Variants in NAALADL1 observed in about 807,000 individuals in gnomAD.
The protein encoded by NAALADL1 is aminopeptidase NAALADL1.
Under a neutral mutation model 82.8 loss-of-function variants are expected in NAALADL1, and 77 were observed. That is an observed-to-expected ratio of 0.93 (90% CI 0.77 to 1.12). The LOEUF (loss-of-function observed/expected upper bound fraction) is 1.12. Ranked by LOEUF, NAALADL1 falls within the 50% of genes most tolerant of loss-of-function variation. NAALADL1 has a pLI of 0.00. For missense variants in NAALADL1, 956 were observed against 964.0 expected (o/e 0.99, Z 0.11); for synonymous variants, 358 against 399.2 (o/e 0.90, Z 1.23).
chr11:65,059,131 G>T (rs535339303), upstream of NAALADL1, among the ~76,000 whole-genome samples: 11 of 152,046 alleles, frequency 7.2e-5, no homozygotes, highest in African/African-American at 2.4e-4. Flanking sequence ...TCCTGCATCG[G>T]CCTCCCGAGT....
chr11:65,046,626 C>A, intron 13 of NAALADL1, 100 bp from the exon 14 acceptor site: 1 of 1,204,008 alleles, frequency 8.3e-7, no homozygotes, highest in South Asian at 1.3e-5. Flanking sequence ...TCCACTGAAT[C>A]TTGGCCATGT....
rs772306526 is a variant in NAALADL1, at chr11:65,054,280, A to C, written c.962T>G (p.Phe321Cys). 13 of 1,614,108 alleles carry C rather than the reference A, an allele frequency of 8.1e-6. No homozygotes were observed. Among genetic ancestry groups the C allele is most frequent in the Non-Finnish European group, 1.1e-5 (13 of 1,180,000 alleles). Reference sequence around the variant, plus strand: ...TGCTGGGAAGTCTCCGTCAGGCCGGAAGCCGGGACCCAACCTGTAGTGGCA... The same window carrying C: ...TGCTGGGAAGTCTCCGTCAGGCCGGCAGCCGGGACCCAACCTGTAGTGGCA... ...LGCHYRLGPG[F>C]RPDGDFPADS... The change falls in exon 6 of 18, where the codon TTC (phenylalanine) becomes TGC (cysteine). Residue 321 changes from phenylalanine (F) to cysteine (C), a missense_variant. Transcript: ENST00000358658. The surrounding 1 kb of genome is among the most constrained non-coding windows in gnomAD (Gnocchi z 4.3).
Position 65,048,356 on chromosome 11 carries a change from A to G in NAALADL1, c.1228T>C (p.Phe410Leu), listed in dbSNP as rs1946798378. The G allele has an allele frequency of 6.2e-7, 1 of 1,614,034 alleles. No homozygotes were observed. The highest frequency in any genetic ancestry group is 8.5e-7 in the Non-Finnish European group (1 of 1,180,030). ...GTWRPRRSIV[F>L]ASWGAEEFGL... The stretch of plus-strand genomic sequence containing the variant: ...AACTCCTCAGCCCCCCAGCTCGCAA[A>G]CACGATTGATCTGCGAGGACGCCAG... Residue 410 changes from phenylalanine (F) to leucine (L), a missense_variant, in exon 9 of 18, where the codon TTT becomes CTT. Physicochemically the swap from Phe to Leu is conservative, Grantham distance 22. Transcript: ENST00000358658.
intron 8 of NAALADL1, 81 bp from the exon 9 acceptor site, chr11:65,048,466 G>A (rs1322069241): frequency 6.6e-7 from 1 of 1,516,822 alleles, no homozygotes; most frequent in Non-Finnish European, 9.1e-7. Context: ...CTGACGTGAG[G>A]AGGGGAGAGC....
In NAALADL1 at chr11:65,045,895, G is replaced by A; in HGVS notation, c.1963C>T (p.Leu655Phe). Reference sequence around the variant, plus strand: ...TCCAAGAGCATCAACTGGTCATTGAGCATCCGGACCTGCAGGGGGCTGGTG... The same window carrying A: ...TCCAAGAGCATCAACTGGTCATTGAACATCCGGACCTGCAGGGGGCTGGTG... ...GSPDPLQVRMLNDQLMLLERT... is the reference protein window; with the variant it reads ...GSPDPLQVRMFNDQLMLLERT... Residue 655 changes from leucine to phenylalanine, a missense_variant, in exon 17 of 18, where the codon CTC (leucine) becomes TTC (phenylalanine). Transcript: ENST00000358658. 6.2e-7 allele frequency: 1 copy of A among 1,614,154 alleles called. No homozygotes were observed. Among genetic ancestry groups the A allele is most frequent in the Non-Finnish European group, 8.5e-7 (1 of 1,180,012 alleles).
chr11:65,050,515 C>T (rs1422384381), intron 8 of NAALADL1, among the ~76,000 whole-genome samples: 1 of 150,600 alleles, frequency 6.6e-6, no homozygotes, highest in Non-Finnish European at 1.5e-5. Flanking sequence ...ATTGGCTGGG[C>T]ACATTGGCTC....
chr11:65,054,241 G>A lies in NAALADL1; in HGVS notation c.992+9C>T. The A allele has an allele frequency of 6.2e-7, 1 of 1,611,634 alleles. No individual in the cohort carries two copies. Among genetic ancestry groups the A allele is most frequent in the East Asian group, 2.2e-5 (1 of 44,874 alleles). ...CAACTGAGGGAGACCTGGTCTGGCT[G>A]CATCTCACCTGTCTGCTGGGAAGTC... On this transcript the variant is annotated intron_variant, in intron 6 of 17. Transcript: ENST00000358658. The surrounding 1 kb of genome is among the most constrained non-coding windows in gnomAD (Gnocchi z 4.3).
At chr11:65,048,109 G>T (rs892167439) in intron 10 of NAALADL1, 43 bp downstream of exon 10, 4 of 1,613,790 alleles carry the variant, frequency 2.5e-6, no homozygotes, top group East Asian at 2.2e-5. Context: ...CCACCCAGTC[G>T]TCCCGCCGTC....
intron 8 of NAALADL1, among the ~76,000 whole-genome samples, chr11:65,050,464 C>T (rs997995869): frequency 8.0e-5 from 12 of 150,258 alleles, no homozygotes; most frequent in South Asian, 4.2e-4. Flanking sequence ...GGCGACAGAG[C>T]GAGACTCTGT....
intron 4 of NAALADL1, among the ~76,000 whole-genome samples, chr11:65,055,616 C>T (rs1947015989): frequency 6.6e-6 from 1 of 152,070 alleles, no homozygotes; most frequent in South Asian, 2.1e-4. Flanking sequence ...TAGGCAAATT[C>T]ATAGAGACAG....
rs1947097981 is a variant in NAALADL1 at position 65,058,142 on chromosome 11, C to G, written c.294G>C (p.Glu98Asp). ...ACAGCAGCACTTCGTACGTGGAGGC[C>G]TCGGCCGAGTCCAGGCCTGACTCTG... Reference protein sequence around the residue: ...KDPESGLDSAEASTYEVLLSF... With the variant: ...KDPESGLDSADASTYEVLLSF... The change falls in exon 2 of 18, where the codon GAG (glutamate) becomes GAC (aspartate). Residue 98 changes from glutamate to aspartate, a missense_variant. Transcript: ENST00000358658. The G allele has an allele frequency of 1.2e-6, 2 of 1,613,812 alleles. No individual in the cohort carries two copies. The highest frequency in any genetic ancestry group is 2.2e-5 in the South Asian group (2 of 91,066).
At position 65,054,840 on chromosome 11, in the gene NAALADL1, T is replaced by A; in HGVS notation, c.604-102A>T. Reference sequence around the variant, plus strand: ...GACTGTGGAAGCCAGGATAGACCAATCTTCCATGGGCAAGATGACGTTTGC... The same window carrying A: ...GACTGTGGAAGCCAGGATAGACCAAACTTCCATGGGCAAGATGACGTTTGC... On this transcript the variant is annotated intron_variant, in intron 4 of 17. Coordinates refer to ENST00000358658, the MANE Select transcript of NAALADL1 (RefSeq NM_005468.3). The surrounding 1 kb of genome is among the most constrained non-coding windows in gnomAD (Gnocchi z 4.3). 2 of 1,419,890 alleles carry A rather than the reference T, an allele frequency of 1.4e-6. No individual in the cohort carries two copies. Among genetic ancestry groups the A allele is most frequent in the South Asian group, 2.8e-5 (2 of 72,428 alleles). 88.0% of individuals were successfully genotyped at this position (1,419,890 alleles called of 1,614,324 possible).
At position 65,045,421 on chromosome 11, in the gene NAALADL1, G is replaced by C. The variant is rs1448488545; in HGVS notation, c.2073C>G (p.Val691=). The C allele has an allele frequency of 3.1e-6, 5 of 1,612,804 alleles. No individual in the cohort carries two copies. Among genetic ancestry groups the C allele is most frequent in the Non-Finnish European group, 4.2e-6 (5 of 1,179,568 alleles). Residue 691 remains valine, a synonymous_variant, in exon 18 of 18, where the codon GTC becomes GTG. Coordinates refer to ENST00000358658, the MANE Select transcript of NAALADL1 (RefSeq NM_005468.3). ...VLWAPRTGSV[V]TFPGLSNACS... is the part of the protein sequence containing the mutation. Reference sequence around the variant, plus strand: ...AGGCATTGGATAGGCCCGGGAATGTGACTACGGAGCCCGTGCGAGGTGCCC... The same window carrying C: ...AGGCATTGGATAGGCCCGGGAATGTCACTACGGAGCCCGTGCGAGGTGCCC...
chr11:65,047,393 G>A, intron 13 of NAALADL1, 82 bp downstream of exon 13: 1 of 1,217,852 alleles, frequency 8.2e-7, no homozygotes, highest in Non-Finnish European at 1.2e-6. Context: ...GCAGGGTTCA[G>A]TCTGTATGAG....
upstream of NAALADL1, among the ~76,000 whole-genome samples, chr11:65,059,166 C>T (rs1340147696): frequency 6.6e-6 from 1 of 152,110 alleles, no homozygotes; most frequent in African/African-American, 2.4e-5. Flanking sequence ...GTGTGCACCA[C>T]CATGTCCAGC....
Position 65,057,993 on chromosome 11 carries a change from C to T in NAALADL1, c.362G>A (p.Gly121Asp), listed in dbSNP as rs1947092220. 6.2e-7 allele frequency: 1 copy of T among 1,614,182 alleles called. No homozygotes were observed. The highest frequency in any genetic ancestry group is 8.5e-7 in the Non-Finnish European group (1 of 1,180,022). The stretch of plus-strand genomic sequence containing the variant: ...GGAGTGGATGATGCCCCCAGTGGGG[C>T]CCACTGTTGGAGGGGTGGCAGTATC... ...QEQPNVVDIV[G>D]PTGGIIHSCH... is the part of the protein sequence containing the mutation. The change falls in exon 3 of 18, where the codon GGC (glycine) becomes GAC (aspartate). Residue 121 changes from glycine to aspartate, a missense_variant. Gly to Asp is a moderately conservative substitution (Grantham distance 94). Coordinates refer to ENST00000358658, the MANE Select transcript of NAALADL1 (RefSeq NM_005468.3).
intron 13 of NAALADL1, 146 bp from the exon 14 acceptor site, chr11:65,046,672 A>C: frequency 1.3e-6 from 1 of 775,172 alleles, no homozygotes; most frequent in South Asian, 1.7e-5. Flanking sequence ...ACAGAAAAGG[A>C]AACTGAAGCT....
rs1946994135 is a variant in NAALADL1, at chr11:65,054,796, T to C, written c.604-58A>G. On this transcript the variant is annotated intron_variant, in intron 4 of 17. Transcript: ENST00000358658. The surrounding 1 kb of genome is among the most constrained non-coding windows in gnomAD (Gnocchi z 4.3). ...AGGGACCGGGACCAGATATGTCCTATTCCTCTTCCTCCTTCCTCGACTGTG... is the reference window on the plus strand; with the variant it reads ...AGGGACCGGGACCAGATATGTCCTACTCCTCTTCCTCCTTCCTCGACTGTG... The C allele has an allele frequency of 1.3e-6, 2 of 1,561,314 alleles. No individual in the cohort carries two copies. Among genetic ancestry groups the C allele is most frequent in the South Asian group, 2.4e-5 (2 of 84,980 alleles).
upstream of NAALADL1, among the ~76,000 whole-genome samples, chr11:65,060,812 C>T (rs1413623052): frequency 1.3e-5 from 2 of 152,078 alleles, no homozygotes; most frequent in African/African-American, 4.8e-5. Context: ...GTGGGAGTTC[C>T]TAGAAATAAC....
Sources: allele counts gnomAD v4.1 joint callset (sites outside exome capture counted in the v4.1 genomes callset), GRCh38; gene constraint gnomAD v4.1.1; non-coding constraint Gnocchi (gnomAD v3.1); transcripts MANE v1.5; gene names NCBI Gene and HGNC (gene_info 2026-07-23, HGNC 2026-07-21).